The following CUL2 variants were observed in gnomAD, a reference collection of about 807,000 sequenced individuals.
CUL2 encodes cullin-2.
CUL2 carries 22 observed loss-of-function variants against 110.2 expected under a neutral mutation model. That is an observed-to-expected ratio of 0.20 (90% CI 0.14 to 0.28). The LOEUF (loss-of-function observed/expected upper bound fraction) is 0.28. CUL2 is among the 10% of genes least tolerant of loss of function. The pLI, the probability that CUL2 is intolerant of heterozygous loss-of-function variation, is 1.00. For missense variants in CUL2, 631 were observed against 905.5 expected, an observed-to-expected ratio of 0.70 and a Z score of 3.89; for synonymous variants, 279 against 293.2, an observed-to-expected ratio of 0.95 and a Z score of 0.49.
chr10:35,056,675 T>A (rs2086247750), intron 4 of CUL2, among the ~76,000 whole-genome samples: 1 of 152,158 alleles, frequency 6.6e-6, no homozygotes, highest in Non-Finnish European at 1.5e-5. Flanking sequence ...TGTGGTACAA[T>A]ATACAAACAA....
intron 17 of CUL2, among the ~76,000 whole-genome samples, chr10:35,021,853 AGGTGAGGTGGGGTGG>A (rs1179804927): frequency 3.2e-5 from 1 of 31,262 alleles, no homozygotes; most frequent in Non-Finnish European, 6.3e-5. Context: ...AGGTGAGGTG[AGGTGAGGTGGGGTGG>A]GGTGAGGTGG....
chr10:35,083,264 G>T (rs1368129122), intron 1 of CUL2, among the ~76,000 whole-genome samples: 2 of 152,092 alleles, frequency 1.3e-5, no homozygotes, highest in Non-Finnish European at 2.9e-5. Context: ...TAATCCTGTG[G>T]TAATGAGTTG....
At chr10:35,119,554 A>G in intron 1 of CUL2, among the ~76,000 whole-genome samples, 1 of 145,800 alleles carries the variant, frequency 6.9e-6, no homozygotes, top group Non-Finnish European at 1.5e-5. Context: ...GAGGTTTTAA[A>G]ATTAATTTTA....
Position 35,113,446 on chromosome 10 carries a change from C to T in CUL2, c.-50-12386G>A, listed in dbSNP as rs190202037. Among the ~76,000 whole-genome samples, 528 of 124,072 alleles carry T rather than the reference C, an allele frequency of 4.3e-3. 2 individuals carry two copies. Among genetic ancestry groups the T allele is most frequent in the Middle Eastern group, 7.7e-3 (1 of 130 alleles). The allele number at this position is 124,072 out of a possible 152,430, so 81.4% of individuals were successfully genotyped here. On this transcript the variant is annotated intron_variant, in intron 1 of 5. Transcript: ENST00000685421. ...CTGGGAGGTGGAGGTTGCAGTGAGC[C>T]GATATCACGCTACTGCACTCCAGCC...
chr10:35,106,608 A>G (rs1367067049), intron 1 of CUL2, among the ~76,000 whole-genome samples: 1 of 151,784 alleles, frequency 6.6e-6, no homozygotes, highest in African/African-American at 2.4e-5. Context: ...CTGGGATTAC[A>G]GGTGTGAGCC....
At chr10:35,125,455 T>C (rs1199520784) in intron 1 of CUL2, among the ~76,000 whole-genome samples, 1 of 152,216 alleles carries the variant, frequency 6.6e-6, no homozygotes. Flanking sequence ...ACAGAGACAA[T>C]TGTTGTGGAT....
intron 2 of CUL2, among the ~76,000 whole-genome samples, chr10:35,100,676 C>T (rs1041477304): frequency 5.5e-5 from 8 of 145,164 alleles, no homozygotes; most frequent in Admixed American, 2.2e-4. Flanking sequence ...GCAGGAGAAT[C>T]GCTTGAACCC....
intron 4 of CUL2, among the ~76,000 whole-genome samples, chr10:35,059,745 A>G (rs2134911101): frequency 6.6e-6 from 1 of 152,336 alleles, no homozygotes. Context: ...TGAAGTGGTT[A>G]AATGGATGGG....
At chr10:35,062,436 C>G (rs1000679296) in intron 3 of CUL2, among the ~76,000 whole-genome samples, 1 of 152,166 alleles carries the variant, frequency 6.6e-6, no homozygotes, top group Non-Finnish European at 1.5e-5. Context: ...CGTAGGAGCA[C>G]ATTTTAAAAC....
chr10:35,064,073 T>C (rs757343613), intron 2 of CUL2: 33 of 152,214 alleles, frequency 2.2e-4, no homozygotes, highest in Non-Finnish European at 3.7e-4. Context: ...ATCTTATCAG[T>C]ACGATGACCA....
At chr10:35,118,566 G>T (rs764203386) in intron 1 of CUL2, 3 of 152,112 alleles carry the variant, frequency 2.0e-5, no homozygotes, top group African/African-American at 4.8e-5. Flanking sequence ...GCTCTATTAA[G>T]CTTATTTTCA....
Position 35,103,313 on chromosome 10 carries a change from T to C in CUL2, c.-50-2253A>G, listed in dbSNP as rs1433568723. On this transcript the variant is annotated intron_variant, in intron 1 of 5. Coordinates refer to the CUL2 transcript ENST00000685421. ...CCCGCCACCAGGCCAAGCTAATTTTTTTTTTTTTTTTTTTTTTTTATTTTT... is the reference window on the plus strand; with the variant it reads ...CCCGCCACCAGGCCAAGCTAATTTTCTTTTTTTTTTTTTTTTTTTATTTTT... 6.5e-4 allele frequency among the ~76,000 whole-genome samples: 66 copies of C among 101,416 alleles called. 1 individual carries two copies. Among genetic ancestry groups the C allele is most frequent in the African/African-American group, 2.6e-3 (61 of 23,584 alleles). 66.5% of individuals were successfully genotyped at this position (101,416 alleles called of 152,430 possible). A position where few individuals can be genotyped will look rare whatever the true frequency, so the allele number is the denominator to read the frequency against.
At chr10:35,041,122 T>C (rs1453994297) in intron 8 of CUL2, among the ~76,000 whole-genome samples, 1 of 152,230 alleles carries the variant, frequency 6.6e-6, no homozygotes, top group Non-Finnish European at 1.5e-5. Flanking sequence ...AAAGGCACTT[T>C]GATTAACAAT....
In CUL2 at chr10:35,060,852, T is replaced by G. The variant is rs750142194; in HGVS notation, c.317+22A>C. ...TGCAGGCAACGCTGCTTAGCTTGTC[T>G]AGATTTTAAAGGCACACTCACCTAT... On this transcript the variant is annotated intron_variant, in intron 4 of 20. Transcript: ENST00000374749. 3.5e-5 allele frequency: 56 copies of G among 1,588,796 alleles called. 1 individual carries two copies. The Admixed American group carries it at 1.0e-3, about 28-fold the overall frequency.
chr10:35,073,318 A>G (rs2086729832), intron 1 of CUL2, among the ~76,000 whole-genome samples: 1 of 152,198 alleles, frequency 6.6e-6, no homozygotes, highest in South Asian at 2.1e-4. Flanking sequence ...TAAGCTCTAA[A>G]TAAGGGAATT....
chr10:35,011,211 A>ATTTTTTTT (rs5784437), intron 20 of CUL2, among the ~76,000 whole-genome samples: 1 of 133,710 alleles, frequency 7.5e-6, no homozygotes, highest in African/African-American at 3.1e-5. Context: ...TAATTTTTTA[A>ATTTTTTTT]TTTTTTTTTT....
intron 2 of CUL2, among the ~76,000 whole-genome samples, chr10:35,099,221 T>G (rs2087342156): frequency 6.6e-6 from 1 of 151,272 alleles, no homozygotes. Flanking sequence ...TTAAAACCTG[T>G]TCTTCTAAAA....
At chr10:35,011,819 AGAAGCCCT>A in intron 20 of CUL2, 21 bp downstream of exon 20, 3 of 1,225,962 alleles carry the variant, frequency 2.4e-6, no homozygotes, top group Non-Finnish European at 3.6e-6. Flanking sequence ...CTCTACCCTA[AGAAGCCCT>A]GAGGACTGCC....
At chr10:35,101,437 A>G (rs1238653995) in intron 1 of CUL2, among the ~76,000 whole-genome samples, 2 of 152,198 alleles carry the variant, frequency 1.3e-5, no homozygotes, top group Admixed American at 1.3e-4. Flanking sequence ...CACCAGATTA[A>G]CTCACATCAA....
Sources: allele counts gnomAD v4.1 joint callset (sites outside exome capture counted in the v4.1 genomes callset), GRCh38; gene constraint gnomAD v4.1.1; transcripts MANE v1.5; gene names NCBI Gene and HGNC (gene_info 2026-07-23, HGNC 2026-07-21).